Variants in DPP6 observed in about 807,000 individuals in gnomAD.
The protein encoded by DPP6 is A-type potassium channel modulatory protein DPP6.
In DPP6, 69 loss-of-function variants were observed where a neutral mutation model predicts 122.6. The ratio of observed to expected loss-of-function variants is 0.56; its 90% CI spans 0.46 to 0.69. The LOEUF is 0.69. DPP6 is among the 30% of genes least tolerant of loss of function. The pLI is 0.00. For synonymous variants in DPP6, 418 were observed against 433.1 expected, an observed-to-expected ratio of 0.97 and a Z score of 0.43; for missense variants, 928 against 1,116.9, an observed-to-expected ratio of 0.83 and a Z score of 2.41.
At chr7:154,002,822 T>C (rs1049211527) in intron 1 of DPP6, among the ~76,000 whole-genome samples, 9 of 152,050 alleles carry the variant, frequency 5.9e-5, no homozygotes, top group Non-Finnish European at 1.2e-4. Context: ...ACAGAGCATA[T>C]GAGGGTGGAT....
At chr7:153,820,042 T>C in the DPP6 span, among the ~76,000 whole-genome samples, 3 of 152,200 alleles carry the variant, frequency 2.0e-5, no homozygotes, top group Admixed American at 6.5e-5. Context: ...TCACGTTACT[T>C]AGTTCTTCAG....
At chr7:154,196,505 A>ACT (rs1243482594) in intron 1 of DPP6, among the ~76,000 whole-genome samples, 1 of 151,954 alleles carries the variant, frequency 6.6e-6, no homozygotes, top group Admixed American at 6.6e-5. Context: ...ACAAAACAAA[A>ACT]CTCACAAATG....
chr7:153,995,289 T>C (rs541146142), intron 1 of DPP6, among the ~76,000 whole-genome samples: 2 of 152,218 alleles, frequency 1.3e-5, no homozygotes, highest in South Asian at 2.1e-4. Flanking sequence ...ATGAGTTCTT[T>C]TAAGAAGGAA....
chr7:154,640,502 C>A (rs1448291299), intron 6 of DPP6, among the ~76,000 whole-genome samples: 1 of 152,196 alleles, frequency 6.6e-6, no homozygotes, highest in African/African-American at 2.4e-5. Context: ...CTGCTCAATT[C>A]TTCCTCTTTG....
chr7:154,810,063 C>G (rs1323268508), intron 16 of DPP6, among the ~76,000 whole-genome samples: 1 of 152,212 alleles, frequency 6.6e-6, no homozygotes, highest in Non-Finnish European at 1.5e-5. Context: ...GCCATGTTGG[C>G]CAGGCTGGTC....
chr7:154,804,100 A>G (rs1023678587), intron 14 of DPP6, 145 bp downstream of exon 14: 2 of 1,062,096 alleles, frequency 1.9e-6, no homozygotes, highest in Non-Finnish European at 2.7e-6. Flanking sequence ...TAGTTTCTTC[A>G]TGAAAATGTA....
intron 18 of DPP6, among the ~76,000 whole-genome samples, chr7:154,869,085 G>A (rs552658656): frequency 6.1e-4 from 93 of 152,286 alleles, no homozygotes; most frequent in African/African-American, 2.1e-3. Flanking sequence ...TCCAGAGCTC[G>A]GCGGAAAGCG....
At chr7:154,463,450 G>A (rs6962907) in intron 2 of DPP6, among the ~76,000 whole-genome samples, 92,378 of 151,406 alleles carry the variant, frequency 0.61, 29,211 homozygotes, top group East Asian at 0.9. Flanking sequence ...CTCGTGATCC[G>A]CCCGTCTCGG....
chr7:154,416,534 T>C (rs925423055), intron 1 of DPP6, among the ~76,000 whole-genome samples: 3 of 152,000 alleles, frequency 2.0e-5, no homozygotes, highest in African/African-American at 7.2e-5. Context: ...ATTCTAAAAA[T>C]AAAATCTCTT....
intron 6 of DPP6, among the ~76,000 whole-genome samples, chr7:154,659,808 T>C (rs565540214): frequency 6.6e-6 from 1 of 152,320 alleles, no homozygotes; most frequent in African/African-American, 2.4e-5. Context: ...CTGAGAAAGA[T>C]TGAGAGGTTG....
intron 2 of DPP6, among the ~76,000 whole-genome samples, chr7:154,461,378 T>G (rs1403534476): frequency 6.6e-6 from 1 of 152,218 alleles, no homozygotes; most frequent in African/African-American, 2.4e-5. Flanking sequence ...TTTGGGTACA[T>G]ACCTAGCACT....
intron 1 of DPP6, among the ~76,000 whole-genome samples, chr7:153,942,795 CCT>C (rs1801758737): frequency 6.6e-6 from 1 of 152,310 alleles, no homozygotes; most frequent in African/African-American, 2.4e-5. Flanking sequence ...CCTGTGGTTG[CCT>C]ACCATTCTGC....
At chr7:154,450,054 A>G (rs565732475) in intron 2 of DPP6, among the ~76,000 whole-genome samples, 17 of 141,120 alleles carry the variant, frequency 1.2e-4, no homozygotes, top group East Asian at 4.1e-4. Context: ...ATAAATAAAT[A>G]AATGTGATGT....
chr7:154,861,770 C>T (rs1365734124), intron 17 of DPP6, among the ~76,000 whole-genome samples: 1 of 152,126 alleles, frequency 6.6e-6, no homozygotes, highest in African/African-American at 2.4e-5. Flanking sequence ...ATGAGCACAC[C>T]TGACTCATTT....
the DPP6 span, among the ~76,000 whole-genome samples, chr7:153,830,477 C>T: frequency 1.5e-4 from 23 of 152,320 alleles, no homozygotes; most frequent in African/African-American, 5.5e-4. Flanking sequence ...AAGAATTTTG[C>T]AAGCTTTCTC....
chr7:153,890,666 G>A (rs1306011220), intron 1 of DPP6, among the ~76,000 whole-genome samples: 1 of 150,368 alleles, frequency 6.7e-6, no homozygotes, highest in African/African-American at 2.5e-5. Context: ...AATACCACAG[G>A]TGGAATCAGT....
At chr7:153,842,467 T>A in the DPP6 span, among the ~76,000 whole-genome samples, 1 of 152,096 alleles carries the variant, frequency 6.6e-6, no homozygotes, top group Non-Finnish European at 1.5e-5. Context: ...GGGTTTTTTT[T>A]ATTTTTCTAT....
rs145847444 is a variant in DPP6 at position 154,030,530 on chromosome 7, G to T, written c.51+142796G>T. 8.5e-3 allele frequency among the ~76,000 whole-genome samples: 1,295 copies of T among 152,242 alleles called. 14 individuals carry two copies. Among genetic ancestry groups the T allele is most frequent in the Non-Finnish European group, 0.015 (1,007 of 68,008 alleles). On this transcript the variant is annotated intron_variant, in intron 1 of 25. Coordinates refer to the DPP6 transcript ENST00000404039. ...CCTCGTGAGCTCCTGCATCATAACG[G>T]TGCTTCCTGCTGCTCCAAAGCTGTG... is the stretch of plus-strand genomic sequence containing the variant.
chr7:154,222,867 A>T (rs1413912987), intron 1 of DPP6, among the ~76,000 whole-genome samples: 1 of 148,794 alleles, frequency 6.7e-6, no homozygotes, highest in Non-Finnish European at 1.5e-5. Context: ...CAATGGTGTG[A>T]TTGGCAGGAG....
Sources: allele counts gnomAD v4.1 joint callset (sites outside exome capture counted in the v4.1 genomes callset), GRCh38; gene constraint gnomAD v4.1.1; transcripts MANE v1.5; gene names NCBI Gene and HGNC (gene_info 2026-07-23, HGNC 2026-07-21).